The following KMT5A variants were observed in gnomAD, a reference collection of about 807,000 sequenced individuals.
KMT5A encodes N-lysine methyltransferase KMT5A.
In KMT5A, 6 loss-of-function variants were observed where a neutral mutation model predicts 40.6. That is an observed-to-expected ratio of 0.15 (90% CI 0.08 to 0.29). The LOEUF is 0.29. KMT5A is among the 10% of genes least tolerant of loss of function. The probability of loss-of-function intolerance (pLI) is 1.00; values close to 1 mark genes in which losing one functional copy is unlikely to be tolerated. For synonymous variants in KMT5A, 153 were observed against 178.8 expected, an observed-to-expected ratio of 0.86 and a Z score of 1.15; for missense variants, 308 against 459.1, an observed-to-expected ratio of 0.67 and a Z score of 3.01.
At chr12:123,402,094 C>G (rs1878225096) in intron 5 of KMT5A, among the ~76,000 whole-genome samples, 1 of 152,174 alleles carries the variant, frequency 6.6e-6, no homozygotes, top group Non-Finnish European at 1.5e-5. Context: ...GTTGCTTAGG[C>G]TGGTCTCTAA....
At chr12:123,388,834 A>C (rs1488989043) in intron 1 of KMT5A, 1 of 147,450 alleles carries the variant, frequency 6.8e-6, no homozygotes, top group African/African-American at 2.5e-5. Flanking sequence ...GCCGCGCGAG[A>C]GGGGGCGCGC....
intron 3 of KMT5A, chr12:123,391,284 T>A (rs946961586): frequency 6.4e-6 from 1 of 155,582 alleles, no homozygotes; most frequent in African/African-American, 2.4e-5. Context: ...AACCTCCGCC[T>A]CCTGGGCTCA....
Position 123,395,221 on chromosome 12 carries a change from A to G in KMT5A, c.464A>G (p.Gln155Arg), listed in dbSNP as rs142509669. The G allele has an allele frequency of 6.2e-7, 1 of 1,613,582 alleles. No individual in the cohort carries two copies. Among genetic ancestry groups the G allele is most frequent in the African/African-American group, 1.3e-5 (1 of 74,924 alleles). ...TCCACCAATGCAGCCATCGCCAAGCAAGCCCTGAAAAAGCCCATCAAGGGC... is the reference window on the plus strand; with the variant it reads ...TCCACCAATGCAGCCATCGCCAAGCGAGCCCTGAAAAAGCCCATCAAGGGC... ...CDSTNAAIAK[Q>R]ALKKPIKGKQ... The change falls in exon 4 of 8, where the codon CAA becomes CGA. Residue 155 changes from glutamine (Q) to arginine (R), a missense_variant. Transcript: ENST00000402868.
chr12:123,405,192 CT>C (rs879726023), intron 7 of KMT5A, 118 bp downstream of exon 7: 68,419 of 759,568 alleles, frequency 0.09, no homozygotes, highest in South Asian at 0.13. Flanking sequence ...TTGTTGTTGA[CT>C]TTTTTTTTTT....
rs191446848 is a variant in KMT5A, at chr12:123,393,027, C to T, written c.290-2020C>T. On this transcript the variant is annotated intron_variant, in intron 3 of 7. Transcript: ENST00000402868. ...AAGTAGCTGAGATTACAGGTGCCCG[C>T]CACCACGCTCGGCTAATTTTTTGTA... is the stretch of plus-strand genomic sequence containing the variant. Among the ~76,000 whole-genome samples the T allele has an allele frequency of 1.3e-3, 194 of 152,204 alleles. 1 individual carries two copies. The highest frequency in any genetic ancestry group is 4.0e-3 in the African/African-American group (167 of 41,528).
At chr12:123,407,408 C>G in intron 7 of KMT5A, 85 bp from the exon 8 acceptor site, 1 of 1,290,192 alleles carries the variant, frequency 7.8e-7, no homozygotes, top group South Asian at 1.3e-5. Flanking sequence ...CAGCATCCCA[C>G]CAGAGCTGAG....
chr12:123,391,663 C>G (rs1375874271), intron 3 of KMT5A, among the ~76,000 whole-genome samples: 2 of 152,250 alleles, frequency 1.3e-5, no homozygotes, highest in African/African-American at 2.4e-5. Flanking sequence ...AGACATCTTG[C>G]TCTAATCCAA....
chr12:123,392,113 C>T, intron 3 of KMT5A, among the ~76,000 whole-genome samples: 1 of 152,144 alleles, frequency 6.6e-6, no homozygotes, highest in East Asian at 1.9e-4. Flanking sequence ...GTGGTTGCAG[C>T]GTGGATGCCA....
chr12:123,407,450 C>T (rs767087389), intron 7 of KMT5A, 43 bp from the exon 8 acceptor site: 2 of 1,591,906 alleles, frequency 1.3e-6, no homozygotes, highest in Admixed American at 1.7e-5. Flanking sequence ...GTTGAAAAGC[C>T]TCTTTATCCA....
rs1248438639 is a variant in KMT5A at position 123,390,659 on chromosome 12, C to T, written c.162C>T (p.Ile54=). 1.2e-6 allele frequency: 2 copies of T among 1,613,944 alleles called. No individual in the cohort carries two copies. Among genetic ancestry groups the T allele is most frequent in the Non-Finnish European group, 1.7e-6 (2 of 1,179,840 alleles). ...ACGTATTTACCGGGCAGTCAAAGATCTATTCCTACATGAGCCCGAACAAAT... is the reference window on the plus strand; with the variant it reads ...ACGTATTTACCGGGCAGTCAAAGATTTATTCCTACATGAGCCCGAACAAAT... ...GENVFTGQSK[I]YSYMSPNKCS... is the part of the protein sequence containing the mutation. The change falls in exon 3 of 8, where the codon ATC becomes ATT. Residue 54 remains isoleucine, a synonymous_variant. Transcript: ENST00000402868.
intron 7 of KMT5A, among the ~76,000 whole-genome samples, chr12:123,405,517 CTTTTTTTTTTTTTTTTT>C (rs35093204): frequency 1.3e-4 from 10 of 78,026 alleles, no homozygotes; most frequent in African/African-American, 5.8e-4. Context: ...CGCCTGCTTC[CTTTTTTTTTTTTTTTTT>C]TTTTTTTTTG....
At chr12:123,395,687 C>G (rs1877669330) in intron 4 of KMT5A, among the ~76,000 whole-genome samples, 1 of 151,846 alleles carries the variant, frequency 6.6e-6, no homozygotes, top group Non-Finnish European at 1.5e-5. Context: ...GCCTCAGCCT[C>G]CTGAGTAACT....
intron 1 of KMT5A, chr12:123,389,146 C>CAGCA (rs1282997747): frequency 2.4e-5 from 3 of 124,930 alleles, no homozygotes; most frequent in Non-Finnish European, 5.2e-5. Flanking sequence ...GCGGCGAGGG[C>CAGCA]GCGGGGCGCG....
At chr12:123,402,157 C>A (rs1878228436) in intron 5 of KMT5A, among the ~76,000 whole-genome samples, 1 of 152,236 alleles carries the variant, frequency 6.6e-6, no homozygotes, top group Non-Finnish European at 1.5e-5. Flanking sequence ...GTTGGGATTA[C>A]AGGAGAGAGC....
At chr12:123,390,009 C>G in intron 2 of KMT5A, 1 of 462,320 alleles carries the variant, frequency 2.2e-6, no homozygotes, top group Middle Eastern at 3.3e-4. Flanking sequence ...CTCTTACTGA[C>G]GCCCAGGTGC....
chr12:123,394,905 G>A (rs547508508), intron 3 of KMT5A, 142 bp from the exon 4 acceptor site: 57 of 719,606 alleles, frequency 7.9e-5, no homozygotes, highest in South Asian at 5.5e-4. Flanking sequence ...TAGCGGACAC[G>A]GGGCTTAACA....
chr12:123,390,853 A>C (rs1877264383), intron 3 of KMT5A, 67 bp downstream of exon 3: 2 of 1,539,066 alleles, frequency 1.3e-6, no homozygotes, highest in East Asian at 4.5e-5. Flanking sequence ...TGTCCTCTGC[A>C]AGAATGCACA....
chr12:123,398,380 C>G (rs947401359), intron 5 of KMT5A, among the ~76,000 whole-genome samples: 10 of 152,058 alleles, frequency 6.6e-5, no homozygotes, highest in African/African-American at 2.4e-4. Flanking sequence ...TGTGCCCACA[C>G]ACAGGGCCTC....
At chr12:123,404,822 C>T in intron 6 of KMT5A, 62 bp from the exon 7 acceptor site, 1 of 1,516,428 alleles carries the variant, frequency 6.6e-7, no homozygotes, top group Non-Finnish European at 8.9e-7. Context: ...CCCCGGAGAC[C>T]TGCTGTGCAC....
Sources: allele counts gnomAD v4.1 joint callset (sites outside exome capture counted in the v4.1 genomes callset), GRCh38; gene constraint gnomAD v4.1.1; transcripts MANE v1.5; gene names NCBI Gene and HGNC (gene_info 2026-07-23, HGNC 2026-07-21).